Variants in RAD51B observed in about 807,000 individuals in gnomAD.
The protein encoded by RAD51B is DNA repair protein RAD51 homolog 2.
RAD51B carries 38 observed loss-of-function variants against 42.2 expected under a neutral mutation model. That is an observed-to-expected ratio of 0.90 (90% confidence interval 0.70 to 1.18). RAD51B has a LOEUF of 1.18. RAD51B is among the 50% of genes most tolerant of loss of function. The pLI, the probability that RAD51B is intolerant of heterozygous loss-of-function variation, is 0.00. For missense variants in RAD51B, 373 were observed against 400.7 expected (o/e 0.93, Z 0.59); for synonymous variants, 154 against 145.2 (o/e 1.06, Z -0.43).
At chr14:68,613,102 A>G (rs1218499577), downstream of RAD51B, among the ~76,000 whole-genome samples, 1 of 152,228 alleles carries the variant, frequency 6.6e-6, no homozygotes, top group Non-Finnish European at 1.5e-5. Context: ...GTCATTCTGC[A>G]TAATGCAGAC....
intron 8 of RAD51B, among the ~76,000 whole-genome samples, chr14:68,361,878 G>A (rs896727530): frequency 2.6e-5 from 4 of 152,092 alleles, no homozygotes; most frequent in African/African-American, 9.7e-5. Context: ...GTTTTACCAT[G>A]TTAGCCAGGC....
chr14:68,399,504 G>A (rs748411586), intron 8 of RAD51B, among the ~76,000 whole-genome samples: 22 of 152,102 alleles, frequency 1.4e-4, no homozygotes, highest in Non-Finnish European at 2.8e-4. Flanking sequence ...TGATCCACCC[G>A]CCTTGGCCTC....
Position 68,107,685 on chromosome 14 carries a change from A to G in RAD51B, c.757-184199A>G, listed in dbSNP as rs2077396888. Among the ~76,000 whole-genome samples, 4 of 151,816 alleles carry G rather than the reference A, an allele frequency of 2.6e-5. No individual in the cohort carries two copies. The South Asian group carries it at 8.3e-4, about 31-fold the overall frequency. On this transcript the variant is annotated intron_variant, in intron 7 of 10. Transcript: ENST00000471583. ...AACTTTTTCATTTTTGATTAATTGA[A>G]TTTTTACAAGGGTGCCAAGACAATT...
chr14:68,207,813 G>A (rs572657616), intron 7 of RAD51B, among the ~76,000 whole-genome samples: 2 of 151,990 alleles, frequency 1.3e-5, no homozygotes, highest in Non-Finnish European at 2.9e-5. Flanking sequence ...GGTTACCAAA[G>A]GTTTTTAAAT....
intron 5 of RAD51B, among the ~76,000 whole-genome samples, chr14:67,867,067 T>C (rs573465039): frequency 6.6e-6 from 1 of 152,318 alleles, no homozygotes; most frequent in East Asian, 1.9e-4. Flanking sequence ...GGTCTGGTGA[T>C]AGGGCCAAGT....
At chr14:67,876,871 C>T (rs936540233) in intron 5 of RAD51B, among the ~76,000 whole-genome samples, 1 of 152,046 alleles carries the variant, frequency 6.6e-6, no homozygotes, top group African/African-American at 2.4e-5. Context: ...AATGATTCAT[C>T]CAGGGAGGGA....
At chr14:68,135,338 C>A (rs1048538142) in intron 7 of RAD51B, among the ~76,000 whole-genome samples, 3 of 152,148 alleles carry the variant, frequency 2.0e-5, no homozygotes, top group African/African-American at 7.2e-5. Flanking sequence ...ATTTTTCTTT[C>A]TACACAATCC....
At chr14:67,880,244 A>T (rs2042863215) in intron 5 of RAD51B, among the ~76,000 whole-genome samples, 1 of 152,212 alleles carries the variant, frequency 6.6e-6, no homozygotes, top group African/African-American at 2.4e-5. Flanking sequence ...ATTGGCAATA[A>T]ATATTGCCAC....
At chr14:68,348,052 A>G (rs551827054) in intron 8 of RAD51B, among the ~76,000 whole-genome samples, 73 of 152,278 alleles carry the variant, frequency 4.8e-4, no homozygotes, top group Non-Finnish European at 9.7e-4. Context: ...TTGGCACCCA[A>G]TGGTACCAAG....
chr14:67,820,888 G>C (rs2040604520), intron 1 of RAD51B, among the ~76,000 whole-genome samples: 1 of 152,180 alleles, frequency 6.6e-6, no homozygotes, highest in Non-Finnish European at 1.5e-5. Context: ...AGGAAATTAA[G>C]ACACTGAGAG....
rs984209007 is a variant in RAD51B, at chr14:68,421,899, G to A, written c.957+10372G>A. 6.3e-6 allele frequency: 10 copies of A among 1,586,518 alleles called. No individual in the cohort carries two copies. The East Asian group carries it at 1.6e-4, about 25-fold the overall frequency. Reference sequence around the variant, plus strand: ...TGTGTTGGGTCCAGCATTTGCCATGGACAAGATGCCAGGACCTGTATGCTT... The same window carrying A: ...TGTGTTGGGTCCAGCATTTGCCATGAACAAGATGCCAGGACCTGTATGCTT... On this transcript the variant is annotated intron_variant, in intron 9 of 10. Coordinates refer to ENST00000471583, the MANE Select transcript of RAD51B (RefSeq NM_133510.4).
chr14:67,906,215 G>A (rs1187524523), intron 7 of RAD51B, among the ~76,000 whole-genome samples: 3 of 152,066 alleles, frequency 2.0e-5, no homozygotes, highest in Non-Finnish European at 4.4e-5. Context: ...TTTGCATGTT[G>A]AGCCAACCTT....
At chr14:68,540,188 T>C in intron 10 of RAD51B, 1 of 960,224 alleles carries the variant, frequency 1.0e-6, no homozygotes, top group Non-Finnish European at 1.2e-6. Flanking sequence ...TTTTTTTTTT[T>C]TTTAAATACA....
At chr14:68,653,390 A>T (rs1353352111) in intron 11 of RAD51B, among the ~76,000 whole-genome samples, 2 of 152,052 alleles carry the variant, frequency 1.3e-5, no homozygotes, top group Non-Finnish European at 2.9e-5. Flanking sequence ...AAACAAAGCC[A>T]AAAAACAGTT....
rs1309727865 is a variant in RAD51B at position 68,426,683 on chromosome 14, C to T, written c.957+15156C>T. Among the ~76,000 whole-genome samples the T allele has an allele frequency of 5.9e-5, 9 of 151,864 alleles. No homozygotes were observed. In the Admixed American group the frequency reaches 5.9e-4, roughly 10 times the overall value. ...ATCTGAAGGATTCTCAGCCTGGTTGCCTGGTAGAGAAAGAAAGAGAGCATT... is the reference window on the plus strand; with the variant it reads ...ATCTGAAGGATTCTCAGCCTGGTTGTCTGGTAGAGAAAGAAAGAGAGCATT... On this transcript the variant is annotated intron_variant, in intron 9 of 10. Coordinates refer to ENST00000471583, the MANE Select transcript of RAD51B (RefSeq NM_133510.4).
intron 7 of RAD51B, among the ~76,000 whole-genome samples, chr14:67,897,404 A>G (rs901140555): frequency 2.0e-5 from 3 of 152,222 alleles, no homozygotes; most frequent in Non-Finnish European, 1.5e-5. Flanking sequence ...TAGTAAAACA[A>G]GAACAAGCAA....
chr14:67,947,815 G>A (rs959433210), intron 7 of RAD51B, among the ~76,000 whole-genome samples: 2 of 152,122 alleles, frequency 1.3e-5, no homozygotes, highest in African/African-American at 2.4e-5. Context: ...GTGTTCTGAT[G>A]TATATATTAT....
At chr14:67,841,634 A>G (rs896513563) in intron 4 of RAD51B, among the ~76,000 whole-genome samples, 1 of 152,214 alleles carries the variant, frequency 6.6e-6, no homozygotes, top group African/African-American at 2.4e-5. Flanking sequence ...TATTCTGCAT[A>G]TGGCTAGCTG....
chr14:68,253,398 C>G (rs1399895284), intron 7 of RAD51B, among the ~76,000 whole-genome samples: 1 of 151,650 alleles, frequency 6.6e-6, no homozygotes, highest in Non-Finnish European at 1.5e-5. Flanking sequence ...GTTTAGTTTT[C>G]TGTTCTTCGC....
Sources: gnomAD v4.1 joint callset for allele counts (sites outside exome capture counted in the v4.1 genomes callset) on GRCh38, gnomAD v4.1.1 for gene constraint, MANE v1.5 for transcripts, NCBI Gene and HGNC (gene_info 2026-07-23, HGNC 2026-07-21) for gene names.